The following CAPS2 variants were observed in gnomAD, a reference collection of about 807,000 sequenced individuals.
The protein encoded by CAPS2 is calcyphosin-2.
A neutral mutation model predicts 86.5 loss-of-function variants in CAPS2; 98 were observed. That is an observed-to-expected ratio of 1.13 (90% confidence interval 0.96 to 1.34). The LOEUF (loss-of-function observed/expected upper bound fraction) is 1.34. Ranked by LOEUF, CAPS2 falls within the 40% of genes most tolerant of loss-of-function variation. The probability of loss-of-function intolerance (pLI) is 0.00; values close to 1 mark genes in which losing one functional copy is unlikely to be tolerated. For synonymous variants in CAPS2, 210 were observed against 225.1 expected (o/e 0.93, Z 0.60); for missense variants, 729 against 686.8 (o/e 1.06, Z -0.69).
intron 13 of CAPS2, among the ~76,000 whole-genome samples, chr12:75,291,360 G>A (rs2035817421): frequency 6.7e-6 from 1 of 149,952 alleles, no homozygotes; most frequent in Non-Finnish European, 1.5e-5. Context: ...CAGTTTATGA[G>A]TAAAACCCAT....
rs563375501 is a variant in CAPS2, at chr12:75,283,435, G to T, written c.1516-1088C>A. 1.1e-3 allele frequency among the ~76,000 whole-genome samples: 168 copies of T among 152,254 alleles called. No homozygotes were observed. The Middle Eastern group carries it at 0.014, about 12-fold the overall frequency. The stretch of plus-strand genomic sequence containing the variant: ...AGCTCAGAATATGACTGTATTTGAA[G>T]GTAGGACCTTTAAAGGGATAGTTAA... On this transcript the variant is annotated intron_variant, in intron 15 of 16. Transcript: ENST00000393284.
chr12:75,367,100 A>G, intron 1 of CAPS2: 1 of 692,166 alleles, frequency 1.4e-6, no homozygotes, highest in East Asian at 2.7e-5. Context: ...ATTTGGGGAG[A>G]AAACGTAATG....
In CAPS2 at chr12:75,316,452, A is replaced by C. The variant is rs1267957123; in HGVS notation, c.469-18T>G. 2 of 1,526,756 alleles carry C rather than the reference A, an allele frequency of 1.3e-6. No individual in the cohort carries two copies. The highest frequency in any genetic ancestry group is 2.8e-5 in the African/African-American group (2 of 71,918). 94.6% of individuals were successfully genotyped at this position (1,526,756 alleles called of 1,614,324 possible). A position where few individuals can be genotyped will look rare whatever the true frequency, so the allele number is the denominator to read the frequency against. On this transcript the variant is annotated intron_variant, in intron 5 of 16. Transcript: ENST00000393284. ...TGCACACACTATGCATGAAAGAAAT[A>C]AATGAAGCATCATACACATATTTAG...
At chr12:75,382,321 G>A (rs931519943) in intron 1 of CAPS2, among the ~76,000 whole-genome samples, 1 of 152,100 alleles carries the variant, frequency 6.6e-6, no homozygotes, top group African/African-American at 2.4e-5. Context: ...AAAAGCATAT[G>A]GAATTAGAGT....
intron 11 of CAPS2, among the ~76,000 whole-genome samples, chr12:75,293,570 T>C (rs1162539986): frequency 1.3e-5 from 2 of 152,214 alleles, no homozygotes; most frequent in East Asian, 1.9e-4. Flanking sequence ...AAGTCTTCTA[T>C]TTAACAATCC....
intron 1 of CAPS2, among the ~76,000 whole-genome samples, chr12:75,352,260 C>T (rs1442514456): frequency 6.6e-6 from 1 of 152,124 alleles, no homozygotes; most frequent in South Asian, 2.1e-4. Flanking sequence ...ATTCAAGAGA[C>T]CCATCTCACA....
upstream of CAPS2, chr12:75,329,703 C>T (rs1326934015): frequency 3.2e-6 from 2 of 618,496 alleles, no homozygotes; most frequent in Non-Finnish European, 5.2e-6. Context: ...TATGTTGATC[C>T]CAGACGACTA....
At chr12:75,314,792 A>G (rs1250045394) in intron 6 of CAPS2, among the ~76,000 whole-genome samples, 1 of 152,130 alleles carries the variant, frequency 6.6e-6, no homozygotes, top group Non-Finnish European at 1.5e-5. Context: ...GCCCATCTTC[A>G]GTGTTGAAGC....
chr12:75,352,520 A>G (rs1342307063), intron 1 of CAPS2, among the ~76,000 whole-genome samples: 1 of 152,246 alleles, frequency 6.6e-6, no homozygotes, highest in Non-Finnish European at 1.5e-5. Flanking sequence ...TTAGAGACCT[A>G]CAAAGTGACT....
chr12:75,330,023 G>C (rs1014758099), upstream of CAPS2: 2 of 618,774 alleles, frequency 3.2e-6, no homozygotes, highest in African/African-American at 3.7e-5. Flanking sequence ...GAAAGCTTTA[G>C]ACAGGACAGT....
upstream of CAPS2, chr12:75,334,952 T>C (rs2041621180): frequency 2.0e-6 from 3 of 1,515,930 alleles, no homozygotes; most frequent in Non-Finnish European, 1.8e-6. Flanking sequence ...CATCCTGAGG[T>C]ATCTGGGTGA....
upstream of CAPS2, among the ~76,000 whole-genome samples, chr12:75,329,389 C>A (rs2041087932): frequency 6.6e-6 from 1 of 152,150 alleles, no homozygotes; most frequent in African/African-American, 2.4e-5. Context: ...TAAATGGCTG[C>A]ATGTCATGAG....
chr12:75,311,332 G>GTATTTGAGAGAAA (rs1296827868), intron 7 of CAPS2, among the ~76,000 whole-genome samples: 4 of 152,002 alleles, frequency 2.6e-5, no homozygotes, highest in Non-Finnish European at 5.9e-5. Context: ...TTGACAAGCT[G>GTATTTGAGAGAAA]GATATAGTAT....
chr12:75,300,424 T>C (rs887677829), intron 8 of CAPS2, among the ~76,000 whole-genome samples: 5 of 151,664 alleles, frequency 3.3e-5, no homozygotes, highest in Non-Finnish European at 5.9e-5. Context: ...GGCGTGGTGG[T>C]GGGCGCCCGT....
chr12:75,342,380 TA>T lies in CAPS2; in HGVS notation c.-394-19159del, dbSNP rs1436848009. On this transcript the variant is annotated intron_variant, in intron 1 of 5. Transcript: ENST00000551829. ...CAAAAAACATTACCATTGGGAAAAGTAGGTGAAGTCTACACAGGACCCCTGT... is the reference window on the plus strand; with the variant it reads ...CAAAAAACATTACCATTGGGAAAAGTGGTGAAGTCTACACAGGACCCCTGT... Among the ~76,000 whole-genome samples the T allele has an allele frequency of 2.0e-5, 3 of 152,174 alleles. No homozygotes were observed. In the East Asian group the frequency reaches 5.8e-4, roughly 29 times the overall value.
intron 1 of CAPS2, among the ~76,000 whole-genome samples, chr12:75,325,762 C>G (rs2040716127): frequency 6.6e-6 from 1 of 151,672 alleles, no homozygotes; most frequent in African/African-American, 2.4e-5. Flanking sequence ...GCACAGGCCT[C>G]CAGATAAGAG....
At chr12:75,357,574 T>A (rs893640816) in intron 1 of CAPS2, among the ~76,000 whole-genome samples, 1 of 152,056 alleles carries the variant, frequency 6.6e-6, no homozygotes, top group Admixed American at 6.6e-5. Context: ...CAAGTGTACA[T>A]GAAATATTTA....
At position 75,282,347 on chromosome 12, in the gene CAPS2, C is replaced by T. The variant is rs769821016; in HGVS notation, c.1516G>A (p.Ala506Thr). 27 of 1,552,130 alleles carry T rather than the reference C, an allele frequency of 1.7e-5. 1 individual carries two copies. In the South Asian group the frequency reaches 2.6e-4, roughly 15 times the overall value. The change falls in exon 16 of 17, where the codon GCC becomes ACC. Residue 506 changes from alanine to threonine, a missense_variant and splice_region_variant. Coordinates refer to ENST00000393284, the Ensembl canonical transcript of CAPS2. ...TTGTTGAAATCCAGTTTCATAAAGG[C>T]CTAAACAGACAAATATTATTATTAT...
chr12:75,380,094 G>C (rs1186914928), intron 1 of CAPS2, among the ~76,000 whole-genome samples: 1 of 151,926 alleles, frequency 6.6e-6, no homozygotes, highest in East Asian at 1.9e-4. Flanking sequence ...AACCTAAAAA[G>C]GATGAGGTAA....
Sources: gnomAD v4.1 joint callset for allele counts (sites outside exome capture counted in the v4.1 genomes callset) on GRCh38, gnomAD v4.1.1 for gene constraint, MANE v1.5 for transcripts, NCBI Gene and HGNC (gene_info 2026-07-23, HGNC 2026-07-21) for gene names.